FBLN2: variants seen among roughly 807,000 people sequenced by gnomAD.
FBLN2 encodes fibulin 2.
Under a neutral mutation model 123.7 loss-of-function variants are expected in FBLN2, and 81 were observed. That is an observed-to-expected ratio of 0.65 (90% CI 0.55 to 0.79). The LOEUF (loss-of-function observed/expected upper bound fraction) is 0.79. Among genes scored for constraint, FBLN2 ranks in the 30% least tolerant of loss-of-function variants. FBLN2 has a pLI of 0.00. For synonymous variants in FBLN2, 699 were observed against 701.4 expected, an observed-to-expected ratio of 1.00 and a Z score of 0.05; for missense variants, 1,603 against 1,681.3, an observed-to-expected ratio of 0.95 and a Z score of 0.81.
intron 5 of FBLN2, among the ~76,000 whole-genome samples, chr3:13,617,446 C>G (rs1465250313): frequency 6.6e-6 from 1 of 151,534 alleles, no homozygotes; most frequent in Non-Finnish European, 1.5e-5. Context: ...ATCTATCCAT[C>G]CACCCACCCA....
intron 1 of FBLN2, among the ~76,000 whole-genome samples, chr3:13,562,357 T>C (rs1039027142): frequency 7.9e-6 from 1 of 126,790 alleles, no homozygotes; most frequent in African/African-American, 3.7e-5. Context: ...TGAAGTTTAC[T>C]TTTTTTTTTT....
chr3:13,629,323 G>GA, intron 13 of FBLN2, 31 bp downstream of exon 13: 2 of 1,583,722 alleles, frequency 1.3e-6, no homozygotes, highest in Non-Finnish European at 1.7e-6. Flanking sequence ...GACCCCTGGG[G>GA]AACACCTGGC....
In FBLN2 at chr3:13,550,446, C is replaced by T. The variant is rs548868036; in HGVS notation, c.-42+1238C>T. Among the ~76,000 whole-genome samples the T allele has an allele frequency of 3.3e-5, 5 of 152,362 alleles. No homozygotes were observed. In the South Asian group the frequency reaches 8.3e-4, roughly 25 times the overall value. On this transcript the variant is annotated intron_variant, in intron 1 of 17. Coordinates refer to ENST00000404922, the MANE Select transcript of FBLN2 (RefSeq NM_001004019.2). ...TGGGCCAGTCCCAAGCAGGCCTGAG[C>T]CAGCAGGCGTCCCCTGACAGGCCAA...
intron 2 of FBLN2, among the ~76,000 whole-genome samples, chr3:13,599,362 A>G (rs1319516323): frequency 2.0e-5 from 3 of 152,138 alleles, no homozygotes; most frequent in Non-Finnish European, 2.9e-5. Context: ...CAGCATGGCA[A>G]ATGCCAAGGC....
chr3:13,621,649 C>A (rs7630380), intron 8 of FBLN2, 126 bp from the exon 9 acceptor site: 32,147 of 961,052 alleles, frequency 0.033, 1,062 homozygotes, highest in African/African-American at 0.15. Context: ...TACACACAGT[C>A]AGGCGGGGAG....
Position 13,621,497 on chromosome 3 carries a change from G to A in FBLN2, c.2156-278G>A, listed in dbSNP as rs535033565. Among the ~76,000 whole-genome samples, 249 of 152,288 alleles carry A rather than the reference G, an allele frequency of 1.6e-3. 1 individual carries two copies. The highest frequency in any genetic ancestry group is 2.0e-3 in the Non-Finnish European group (138 of 68,020). On this transcript the variant is annotated intron_variant, in intron 8 of 17. Coordinates refer to ENST00000404922, the MANE Select transcript of FBLN2 (RefSeq NM_001004019.2). Reference sequence around the variant, plus strand: ...CCCGTGGATGTGGGAAGTATCGAGTGCGTACGGGAGGCAGCCTCTGGTCCT... The same window carrying A: ...CCCGTGGATGTGGGAAGTATCGAGTACGTACGGGAGGCAGCCTCTGGTCCT...
At chr3:13,632,085 T>A (rs1706277476) in intron 16 of FBLN2, among the ~76,000 whole-genome samples, 3 of 152,184 alleles carry the variant, frequency 2.0e-5, no homozygotes. Context: ...GAGACCGTGT[T>A]CTGTGGTATT....
At position 13,628,981 on chromosome 3, in the gene FBLN2, A is replaced by T. The variant is rs2242023; in HGVS notation, c.2646A>T (p.Thr882=). Residue 882 remains threonine (T), a synonymous_variant, in exon 12 of 18, where the codon ACA becomes ACT. Coordinates refer to ENST00000404922, the MANE Select transcript of FBLN2 (RefSeq NM_001004019.2). ...GCATCAACACGGTGGGCTCCTACAC[A>T]TGCCAGAGGAACCCGCTGATCTGCG... The part of the protein sequence containing the change: ...FSCINTVGSY[T]CQRNPLICAR... 6.2e-7 allele frequency: 1 copy of T among 1,613,108 alleles called. No homozygotes were observed. Among genetic ancestry groups the T allele is most frequent in the Non-Finnish European group, 8.5e-7 (1 of 1,179,558 alleles).
Position 13,571,341 on chromosome 3 carries a change from G to A in FBLN2, c.986G>A (p.Arg329Lys). The change falls in exon 2 of 18, where the codon AGG becomes AAG. Residue 329 changes from arginine to lysine, a missense_variant. Physicochemically the swap from Arg to Lys is conservative, Grantham distance 26. Coordinates refer to ENST00000404922, the MANE Select transcript of FBLN2 (RefSeq NM_001004019.2). ...IQEERAEAGARAEAGARPEEN... is the reference protein window; with the variant it reads ...IQEERAEAGAKAEAGARPEEN... ...GAGGAGAGGGCAGAAGCTGGGGCAA[G>A]GGCAGAAGCTGGGGCAAGGCCTGAA... 1 of 1,609,940 alleles carries A rather than the reference G, an allele frequency of 6.2e-7. No individual in the cohort carries two copies. Among genetic ancestry groups the A allele is most frequent in the African/African-American group, 1.3e-5 (1 of 75,008 alleles).
intron 2 of FBLN2, among the ~76,000 whole-genome samples, chr3:13,577,246 A>G (rs986569263): frequency 6.7e-6 from 1 of 149,614 alleles, no homozygotes; most frequent in East Asian, 2.0e-4. Flanking sequence ...AAAAAAGCAC[A>G]GTGAGAGGAA....
At chr3:13,588,594 A>G (rs1704578853) in intron 2 of FBLN2, among the ~76,000 whole-genome samples, 1 of 152,222 alleles carries the variant, frequency 6.6e-6, no homozygotes. Context: ...TTCTCCAGGC[A>G]GGACTTCTGA....
intron 2 of FBLN2, among the ~76,000 whole-genome samples, chr3:13,603,249 T>TTTTA (rs199918491): frequency 0.014 from 2,074 of 149,734 alleles, 47 homozygotes; most frequent in African/African-American, 0.049. Flanking sequence ...TTTTTTTTTT[T>TTTTA]AATTATACTT....
intron 1 of FBLN2, among the ~76,000 whole-genome samples, chr3:13,554,337 C>T (rs1201709255): frequency 2.0e-5 from 3 of 152,226 alleles, no homozygotes; most frequent in African/African-American, 7.2e-5. Flanking sequence ...CTTGATAAGC[C>T]TCCCAGAGTT....
intron 17 of FBLN2, 85 bp downstream of exon 17, chr3:13,636,653 G>A: frequency 6.7e-7 from 1 of 1,490,540 alleles, no homozygotes; most frequent in Non-Finnish European, 9.0e-7. Flanking sequence ...ATGGGCGCCT[G>A]CCTTGATCAC....
chr3:13,614,046 C>A lies in FBLN2; in HGVS notation c.1611C>A (p.Ser537=). Residue 537 remains serine (S), a synonymous_variant, in exon 5 of 18, where the codon TCC becomes TCA. Transcript: ENST00000404922. ...GGGCCGAGGGCCAGTCGTGTGAGTCCAATCCTAACCTGGGCTATCCCTGCA... is the reference window on the plus strand; with the variant it reads ...GGGCCGAGGGCCAGTCGTGTGAGTCAAATCCTAACCTGGGCTATCCCTGCA... ...RVRAEGQSCE[S]NPNLGYPCNH... is the part of the protein sequence containing the mutation. The A allele has an allele frequency of 6.2e-7, 1 of 1,613,692 alleles. No homozygotes were observed. The highest frequency in any genetic ancestry group is 8.5e-7 in the Non-Finnish European group (1 of 1,179,888).
chr3:13,619,061 A>G (rs1017080382), intron 7 of FBLN2, 44 bp downstream of exon 7: 1 of 1,486,854 alleles, frequency 6.7e-7, no homozygotes, highest in African/African-American at 1.4e-5. Context: ...CCCAGGGTCC[A>G]GGGGGTGGGT....
chr3:13,569,552 G>C (rs1201810873), intron 1 of FBLN2, among the ~76,000 whole-genome samples: 2 of 151,980 alleles, frequency 1.3e-5, no homozygotes, highest in East Asian at 1.9e-4. Context: ...GGACATGACT[G>C]GGGGAGTTGG....
At chr3:13,563,639 T>C (rs1417878835) in intron 1 of FBLN2, among the ~76,000 whole-genome samples, 1 of 152,254 alleles carries the variant, frequency 6.6e-6, no homozygotes, top group Non-Finnish European at 1.5e-5. Context: ...GAGCCCCGTC[T>C]AAGACAGTGC....
Position 13,631,401 on chromosome 3 carries a change from A to G in FBLN2, c.3158A>G (p.Gln1053Arg). 2 of 1,601,882 alleles carry G rather than the reference A, an allele frequency of 1.2e-6. No individual in the cohort carries two copies. Among genetic ancestry groups the G allele is most frequent in the South Asian group, 2.3e-5 (2 of 88,654 alleles). The change falls in exon 16 of 18, where the codon CAG becomes CGG. Residue 1053 changes from glutamine to arginine, a missense_variant. By Grantham distance (43) the Gln-to-Arg change is conservative (BLOSUM62 1). Coordinates refer to ENST00000404922, the MANE Select transcript of FBLN2 (RefSeq NM_001004019.2). ...TGTCTCAACGTGCCAGGGAGCTACC[A>G]GTGTGCATGCCCTGAGCAGGGCTAC... ...FRCLNVPGSY[Q>R]CACPEQGYTM... is the part of the protein sequence containing the mutation.
Sources: allele counts gnomAD v4.1 joint callset (sites outside exome capture counted in the v4.1 genomes callset), GRCh38; gene constraint gnomAD v4.1.1; transcripts MANE v1.5; gene names NCBI Gene and HGNC (gene_info 2026-07-23, HGNC 2026-07-21).